Variants in CLPX observed in about 807,000 individuals in gnomAD.
CLPX encodes caseinolytic mitochondrial matrix peptidase chaperone subunit X, also known as ATP-dependent clpX-like chaperone, mitochondrial.
CLPX carries 34 observed loss-of-function variants against 76.4 expected under a neutral mutation model. That is an observed-to-expected ratio of 0.45 (90% CI 0.34 to 0.59). The LOEUF is 0.59. Ranked by LOEUF, CLPX falls within the 20% of genes least tolerant of loss-of-function variation. The pLI is 0.01. For missense variants in CLPX, 613 were observed against 757.0 expected (o/e 0.81, Z 2.23); for synonymous variants, 248 against 270.9 (o/e 0.92, Z 0.83).
intron 13 of CLPX, 59 bp downstream of exon 13, chr15:65,152,369 CAT>C (rs1301636202): frequency 1.5e-6 from 1 of 646,060 alleles, no homozygotes; most frequent in Non-Finnish European, 2.5e-6. Flanking sequence ...AACCAATAAA[CAT>C]AGCAATGAGG....
intron 6 of CLPX, among the ~76,000 whole-genome samples, chr15:65,160,730 TTAAC>T (rs1329390024): frequency 1.3e-5 from 2 of 152,032 alleles, no homozygotes; most frequent in African/African-American, 2.4e-5. Context: ...ATCTATGTAT[TTAAC>T]TTATTTAATG....
At chr15:65,163,898 G>A (rs771390141) in intron 5 of CLPX, 131 bp downstream of exon 5, 35 of 821,342 alleles carry the variant, frequency 4.3e-5, no homozygotes, top group Non-Finnish European at 6.7e-5. Context: ...ACACACTAAT[G>A]GGGAATAACC....
intron 3 of CLPX, among the ~76,000 whole-genome samples, chr15:65,168,789 T>C (rs1197971392): frequency 1.3e-5 from 2 of 152,062 alleles, no homozygotes; most frequent in Non-Finnish European, 2.9e-5. Flanking sequence ...TGAATACATT[T>C]ATAAGGATTT....
intron 3 of CLPX, among the ~76,000 whole-genome samples, chr15:65,168,115 C>T (rs2087942859): frequency 6.6e-6 from 1 of 151,464 alleles, no homozygotes. Context: ...TTTGGCCAGG[C>T]ATGGTGGCTC....
At chr15:65,183,263 C>A (rs1273098358) in intron 1 of CLPX, among the ~76,000 whole-genome samples, 1 of 151,576 alleles carries the variant, frequency 6.6e-6, no homozygotes, top group Non-Finnish European at 1.5e-5. Context: ...GAGATCGAGA[C>A]CATCCTGGCT....
chr15:65,152,282 T>TA (rs1566978189), intron 13 of CLPX, 148 bp downstream of exon 13: 3 of 375,452 alleles, frequency 8.0e-6, no homozygotes, highest in Non-Finnish European at 1.4e-5. Flanking sequence ...ATACCCAAAT[T>TA]AGATTTTTCT....
intron 6 of CLPX, among the ~76,000 whole-genome samples, chr15:65,161,777 T>C (rs2087858739): frequency 6.6e-6 from 1 of 152,216 alleles, no homozygotes; most frequent in Admixed American, 6.5e-5. Context: ...CTATTGCACT[T>C]ACTGTATTTC....
chr15:65,150,751 A>C lies in CLPX; in HGVS notation c.*72T>G. ...AGATAGATCCAATGCCTTTAATATC[A>C]GACTGTAGAGACAATTATGATCCTA... On this transcript the variant is annotated 3_prime_UTR_variant, in exon 14 of 14. Coordinates refer to ENST00000300107, the MANE Select transcript of CLPX (RefSeq NM_006660.5). The C allele has an allele frequency of 2.9e-6, 3 of 1,051,644 alleles. No individual in the cohort carries two copies. The South Asian group carries it at 4.4e-5, about 15-fold the overall frequency. The allele number at this position is 1,051,644 out of a possible 1,614,324, so 65.1% of individuals were successfully genotyped here.
intron 3 of CLPX, among the ~76,000 whole-genome samples, chr15:65,169,019 G>A (rs945605673): frequency 2.0e-5 from 3 of 147,960 alleles, no homozygotes; most frequent in African/African-American, 7.5e-5. Flanking sequence ...CACCACGCCT[G>A]CCTACTTTTT....
At chr15:65,170,304 AAG>A (rs2087983049) in intron 3 of CLPX, among the ~76,000 whole-genome samples, 1 of 152,068 alleles carries the variant, frequency 6.6e-6, no homozygotes, top group Non-Finnish European at 1.5e-5. Flanking sequence ...CCCAACTAGA[AAG>A]AGAGAACTGC....
intron 3 of CLPX, among the ~76,000 whole-genome samples, chr15:65,176,424 T>C (rs553445961): frequency 6.6e-6 from 1 of 152,328 alleles, no homozygotes; most frequent in South Asian, 2.1e-4. Flanking sequence ...CTATGTGACC[T>C]TGAATGAGTT....
chr15:65,169,024 CTTTT>C (rs779469503), intron 3 of CLPX, among the ~76,000 whole-genome samples: 13 of 135,460 alleles, frequency 9.6e-5, no homozygotes, highest in African/African-American at 1.6e-4. Context: ...CGCCTGCCTA[CTTTT>C]TTTTTTTTTT....
In CLPX at chr15:65,154,995, C is replaced by T. The variant is rs35370045; in HGVS notation, c.1398G>A (p.Ser466=). The T allele has an allele frequency of 5.8e-5, 93 of 1,614,062 alleles. 1 individual carries two copies. In the African/African-American group the frequency reaches 1.1e-3, roughly 19 times the overall value. Residue 466 remains serine (S), a synonymous_variant, in exon 11 of 14, where the codon TCG becomes TCA. Coordinates refer to ENST00000300107, the MANE Select transcript of CLPX (RefSeq NM_006660.5). ...TTTCTTCAATGTCTTGGTGAGTATT[C>T]GATTCCCCACTTCGATTAGCAAGGT... ...AADLANRSGE[S]NTHQDIEEKD...
intron 3 of CLPX, among the ~76,000 whole-genome samples, chr15:65,174,151 T>C (rs376468458): frequency 1.5e-4 from 23 of 152,196 alleles, no homozygotes; most frequent in African/African-American, 5.5e-4. Context: ...TTTTTTGTAT[T>C]TTTATTAGAG....
intron 6 of CLPX, among the ~76,000 whole-genome samples, chr15:65,159,073 C>A (rs1354963297): frequency 6.6e-6 from 1 of 152,190 alleles, no homozygotes; most frequent in East Asian, 1.9e-4. Context: ...AGCTTTAGCT[C>A]TGGACCTTCC....
chr15:65,157,607 A>T (rs2087804987), intron 8 of CLPX, 139 bp downstream of exon 8: 1 of 842,874 alleles, frequency 1.2e-6, no homozygotes, highest in African/African-American at 1.8e-5. Context: ...TCAGTATGCT[A>T]GAAATTATGT....
chr15:65,185,274 G>A lies in CLPX; in HGVS notation c.-121C>T, dbSNP rs1184512652. On this transcript the variant is annotated 5_prime_UTR_variant, in exon 1 of 14. Transcript: ENST00000300107. ...CCCTTTCGCGGGCCCTAGACCCCGT[G>A]GAGAGTTCACCTGCCCGGCAGCCAG... is the stretch of plus-strand genomic sequence containing the variant. The A allele has an allele frequency of 3.9e-6, 3 of 768,078 alleles. No homozygotes were observed. The highest frequency in any genetic ancestry group is 1.7e-5 in the South Asian group (1 of 57,382). 47.6% of individuals were successfully genotyped at this position (768,078 alleles called of 1,614,324 possible).
At chr15:65,158,439 G>C (rs2087816391) in intron 7 of CLPX, 136 bp downstream of exon 7, 6 of 680,776 alleles carry the variant, frequency 8.8e-6, no homozygotes, top group Admixed American at 3.0e-5. Flanking sequence ...CAGGAATACT[G>C]ATAGTGTATC....
chr15:65,155,125 G>C (rs1032452472), intron 10 of CLPX, 44 bp from the exon 11 acceptor site: 1 of 1,503,654 alleles, frequency 6.7e-7, no homozygotes, highest in Admixed American at 1.7e-5. Flanking sequence ...AGAATCAAAT[G>C]ATAGTGTATT....
Sources: gnomAD v4.1 joint callset for allele counts (sites outside exome capture counted in the v4.1 genomes callset) on GRCh38, gnomAD v4.1.1 for gene constraint, MANE v1.5 for transcripts, NCBI Gene and HGNC (gene_info 2026-07-23, HGNC 2026-07-21) for gene names.